Variants in ULK4 observed in about 807,000 individuals in gnomAD.
The protein encoded by ULK4 is inactive serine/threonine-protein kinase ULK4.
In ULK4, 133 loss-of-function variants were observed where a neutral mutation model predicts 160.6. The ratio of observed to expected loss-of-function variants is 0.83; its 90% confidence interval spans 0.72 to 0.96. ULK4 has a LOEUF of 0.96. Ranked by LOEUF, ULK4 falls within the 40% of genes least tolerant of loss-of-function variation. The probability of loss-of-function intolerance (pLI) is 0.00; values close to 1 mark genes in which losing one functional copy is unlikely to be tolerated. For synonymous variants in ULK4, 534 were observed against 539.8 expected, an observed-to-expected ratio of 0.99 and a Z score of 0.15; for missense variants, 1,580 against 1,499.5, an observed-to-expected ratio of 1.05 and a Z score of -0.89.
intron 18 of ULK4, among the ~76,000 whole-genome samples, chr3:41,831,531 A>ATATATATATATATATTTTT: frequency 3.6e-5 from 5 of 138,060 alleles, no homozygotes; most frequent in East Asian, 4.2e-4. Context: ...ATATATATAT[A>ATATATATATATATATTTTT]TTTTTTTTTC....
intron 32 of ULK4, among the ~76,000 whole-genome samples, chr3:41,485,432 A>G (rs960684683): frequency 6.6e-6 from 1 of 152,222 alleles, no homozygotes; most frequent in Non-Finnish European, 1.5e-5. Flanking sequence ...AGGCTAAAAA[A>G]TAAGTAAATA....
chr3:41,737,265 C>T (rs555745450), intron 22 of ULK4, among the ~76,000 whole-genome samples: 18 of 151,990 alleles, frequency 1.2e-4, no homozygotes, highest in South Asian at 2.1e-4. Flanking sequence ...CCATTCACAA[C>T]TGCTTCAAAG....
chr3:41,927,565 A>C (rs1480822549), intron 5 of ULK4, among the ~76,000 whole-genome samples: 2 of 152,010 alleles, frequency 1.3e-5, no homozygotes, highest in African/African-American at 4.8e-5. Context: ...AATTGAATGA[A>C]GAGTTAAGAC....
chr3:41,321,754 C>T (rs1245747182), intron 35 of ULK4, among the ~76,000 whole-genome samples: 1 of 144,324 alleles, frequency 6.9e-6, no homozygotes, highest in Non-Finnish European at 1.5e-5. Flanking sequence ...CTGAGGAACA[C>T]TTGATTGGTA....
At chr3:41,559,723 G>A (rs2087486780) in intron 32 of ULK4, among the ~76,000 whole-genome samples, 1 of 151,918 alleles carries the variant, frequency 6.6e-6, no homozygotes, top group African/African-American at 2.4e-5. Context: ...TGATGGAGTT[G>A]TTTATTTTCT....
chr3:41,336,899 C>T (rs2080570103), intron 35 of ULK4, among the ~76,000 whole-genome samples: 1 of 152,184 alleles, frequency 6.6e-6, no homozygotes. Flanking sequence ...AACTCAGCTT[C>T]TTCATCTATA....
chr3:41,856,616 C>T (rs35167597), intron 17 of ULK4, among the ~76,000 whole-genome samples: 8,087 of 73,040 alleles, frequency 0.11, 886 homozygotes, highest in African/African-American at 0.44. Context: ...TATATATATA[C>T]ACATATATAT....
intron 34 of ULK4, among the ~76,000 whole-genome samples, chr3:41,404,709 A>C (rs999057474): frequency 6.6e-6 from 1 of 152,176 alleles, no homozygotes; most frequent in Non-Finnish European, 1.5e-5. Context: ...TTATAAAAGG[A>C]CAAGTTTGGG....
At chr3:41,350,332 A>G (rs1395237898) in intron 35 of ULK4, among the ~76,000 whole-genome samples, 1 of 151,858 alleles carries the variant, frequency 6.6e-6, no homozygotes, top group Non-Finnish European at 1.5e-5. Flanking sequence ...AACATACACA[A>G]ACAGAAACAC....
intron 20 of ULK4, 86 bp from the exon 21 acceptor site, chr3:41,789,929 G>T: frequency 8.1e-7 from 1 of 1,228,964 alleles, no homozygotes; most frequent in Non-Finnish European, 1.1e-6. Flanking sequence ...TCTGTGTCAA[G>T]GAGTAGAAGG....
intron 34 of ULK4, among the ~76,000 whole-genome samples, chr3:41,449,384 T>C (rs1306252865): frequency 6.6e-6 from 1 of 152,090 alleles, no homozygotes; most frequent in African/African-American, 2.4e-5. Context: ...GAATCTGAGG[T>C]ACTTATGGCG....
At chr3:41,376,392 G>C (rs2081495657) in intron 35 of ULK4, among the ~76,000 whole-genome samples, 1 of 150,162 alleles carries the variant, frequency 6.7e-6, no homozygotes, top group Non-Finnish European at 1.5e-5. Flanking sequence ...ATCAATGAGA[G>C]ACTGGATAAA....
Position 41,673,762 on chromosome 3 carries a change from G to C in ULK4, c.2978+7746C>G, listed in dbSNP as rs1303723358. On this transcript the variant is annotated intron_variant, in intron 29 of 36. Transcript: ENST00000301831. ...CAGTCTACCAAAGGCAAATTGCACA[G>C]CGTATTTTTCCCACAGCTTGCAACA... Among the ~76,000 whole-genome samples the C allele has an allele frequency of 4.6e-5, 7 of 152,018 alleles. No individual in the cohort carries two copies. In the East Asian group the frequency reaches 1.3e-3, roughly 29 times the overall value.
intron 32 of ULK4, among the ~76,000 whole-genome samples, chr3:41,560,545 G>T (rs190118241): frequency 6.6e-6 from 1 of 152,288 alleles, no homozygotes; most frequent in East Asian, 1.9e-4. Context: ...TCATTGAGCA[G>T]TGGTTTGTAG....
At chr3:41,425,342 C>A (rs150793216) in intron 34 of ULK4, among the ~76,000 whole-genome samples, 4 of 152,056 alleles carry the variant, frequency 2.6e-5, no homozygotes, top group Non-Finnish European at 4.4e-5. Flanking sequence ...TGAAAAGATA[C>A]GGGGAGAATG....
At chr3:41,526,861 T>A (rs767517749) in intron 32 of ULK4, among the ~76,000 whole-genome samples, 3 of 152,114 alleles carry the variant, frequency 2.0e-5, no homozygotes, top group Non-Finnish European at 4.4e-5. Context: ...TTTACACAGG[T>A]GAGTATATGA....
intron 31 of ULK4, among the ~76,000 whole-genome samples, chr3:41,574,053 A>C (rs144595398): frequency 6.8e-6 from 1 of 146,376 alleles, no homozygotes; most frequent in African/African-American, 2.5e-5. Context: ...GCGGTGGCGC[A>C]TGCCTATAAT....
intron 27 of ULK4, among the ~76,000 whole-genome samples, chr3:41,687,692 G>C (rs1014065351): frequency 6.6e-6 from 1 of 152,100 alleles, no homozygotes; most frequent in Non-Finnish European, 1.5e-5. Context: ...CTTGAAAAAA[G>C]ACTAATTTCA....
chr3:41,771,847 A>T (rs997370694), intron 21 of ULK4, among the ~76,000 whole-genome samples: 2 of 152,188 alleles, frequency 1.3e-5, no homozygotes, highest in Admixed American at 6.5e-5. Flanking sequence ...CAATAGAGTG[A>T]TTTTTTAAAA....
Sources: gnomAD v4.1 joint callset for allele counts (sites outside exome capture counted in the v4.1 genomes callset) on GRCh38, gnomAD v4.1.1 for gene constraint, MANE v1.5 for transcripts, NCBI Gene and HGNC (gene_info 2026-07-23, HGNC 2026-07-21) for gene names.